OLFML2B: variants seen among roughly 807,000 people sequenced by gnomAD.
OLFML2B encodes olfactomedin like 2B.
A neutral mutation model predicts 74.9 loss-of-function variants in OLFML2B; 57 were observed. The observed-to-expected ratio is 0.76, with a 90% confidence interval of 0.61 to 0.95. OLFML2B has a LOEUF of 0.95. OLFML2B is among the 40% of genes least tolerant of loss of function. OLFML2B has a pLI of 0.00. For missense variants in OLFML2B, 986 were observed against 970.6 expected, an observed-to-expected ratio of 1.02 and a Z score of -0.21; for synonymous variants, 388 against 405.8, an observed-to-expected ratio of 0.96 and a Z score of 0.53.
intron 6 of OLFML2B, among the ~76,000 whole-genome samples, chr1:161,996,163 G>C (rs141826295): frequency 1.7e-3 from 257 of 152,286 alleles, no homozygotes; most frequent in African/African-American, 5.8e-3. Context: ...TTTCACTGCT[G>C]TCATTCTGCC....
chr1:161,997,581 A>G (rs1207111040), intron 6 of OLFML2B, among the ~76,000 whole-genome samples: 1 of 152,208 alleles, frequency 6.6e-6, no homozygotes, highest in Non-Finnish European at 1.5e-5. Flanking sequence ...CTGAAGCCAA[A>G]TCTTGACTCC....
At chr1:161,995,064 T>C (rs1689854285) in intron 6 of OLFML2B, among the ~76,000 whole-genome samples, 1 of 152,222 alleles carries the variant, frequency 6.6e-6, no homozygotes, top group Non-Finnish European at 1.5e-5. Context: ...ACGGTCTTTC[T>C]TGGCCAGACA....
At chr1:161,991,068 A>G (rs1455726701) in intron 6 of OLFML2B, among the ~76,000 whole-genome samples, 1 of 152,162 alleles carries the variant, frequency 6.6e-6, no homozygotes, top group Non-Finnish European at 1.5e-5. Context: ...ATCTGCAGTG[A>G]CTTCCTCCAC....
At chr1:161,990,405 G>A (rs370202576) in intron 6 of OLFML2B, among the ~76,000 whole-genome samples, 12 of 152,262 alleles carry the variant, frequency 7.9e-5, no homozygotes, top group Admixed American at 2.0e-4. Flanking sequence ...GTAATAAAGC[G>A]AATATCATAA....
chr1:161,993,380 CT>C (rs1689797682), intron 6 of OLFML2B, among the ~76,000 whole-genome samples: 2 of 152,190 alleles, frequency 1.3e-5, no homozygotes, highest in Admixed American at 1.3e-4. Flanking sequence ...CCCCCCAGTG[CT>C]CACCACCCTG....
rs763464465 is a variant in OLFML2B, at chr1:161,983,919, C to T, written c.2009G>A (p.Arg670Lys). The stretch of plus-strand genomic sequence containing the variant: ...GACGAAGCAGTTGCCGTAGAAATTC[C>T]TCCGGAGCCCCGTGCGCCATGTGGT... ...KETTWRTGLRRNFYGNCFVIC... is the reference protein window; with the variant it reads ...KETTWRTGLRKNFYGNCFVIC... Residue 670 changes from arginine (R) to lysine (K), a missense_variant, in exon 8 of 8, where the codon AGG becomes AAG. Arg to Lys is a conservative substitution (Grantham distance 26, BLOSUM62 2). Transcript: ENST00000294794. 3 of 1,614,112 alleles carry T rather than the reference C, an allele frequency of 1.9e-6. No individual in the cohort carries two copies. In the East Asian group the frequency reaches 6.7e-5, roughly 36 times the overall value.
chr1:162,015,497 G>A (rs1267528655), intron 3 of OLFML2B, among the ~76,000 whole-genome samples: 4 of 152,182 alleles, frequency 2.6e-5, no homozygotes, highest in Non-Finnish European at 5.9e-5. Flanking sequence ...TGGCTGCCAA[G>A]GTCAGGTAAA....
intron 3 of OLFML2B, among the ~76,000 whole-genome samples, chr1:162,011,262 G>A (rs1353753544): frequency 6.6e-6 from 1 of 152,206 alleles, no homozygotes; most frequent in Non-Finnish European, 1.5e-5. Flanking sequence ...ATAGCTGGAT[G>A]CGCACAGGGC....
intron 3 of OLFML2B, among the ~76,000 whole-genome samples, chr1:162,010,604 G>C (rs530658961): frequency 1.3e-5 from 2 of 152,294 alleles, no homozygotes; most frequent in Admixed American, 6.5e-5. Context: ...CCAGCTCTTA[G>C]ACACGTGTGC....
At chr1:162,007,307 T>C (rs1690262583) in intron 3 of OLFML2B, among the ~76,000 whole-genome samples, 1 of 152,142 alleles carries the variant, frequency 6.6e-6, no homozygotes, top group South Asian at 2.1e-4. Context: ...AAATACCAAA[T>C]GTGAGGTTTC....
intron 3 of OLFML2B, among the ~76,000 whole-genome samples, chr1:162,012,695 G>A (rs1190541865): frequency 6.6e-6 from 1 of 152,168 alleles, no homozygotes; most frequent in African/African-American, 2.4e-5. Context: ...TTGCAGGCAT[G>A]CATCTATTTT....
rs900089827 is a variant in OLFML2B, at chr1:161,983,293, C to A, written c.*382G>T. On this transcript the variant is annotated 3_prime_UTR_variant, in exon 8 of 8. Transcript: ENST00000294794. The stretch of plus-strand genomic sequence containing the variant: ...CTTTTTTTCTCGCCACATAGCACTT[C>A]TTTCTTGCCTCTTTCATTTCTGCTC... The A allele has an allele frequency of 1.2e-5, 2 of 162,568 alleles. No homozygotes were observed. The highest frequency in any genetic ancestry group is 2.7e-5 in the Non-Finnish European group (2 of 75,272). The allele number at this position is 162,568 out of a possible 1,614,324, so 10.1% of individuals were successfully genotyped here.
At chr1:161,986,492 G>A (rs951406378) in intron 6 of OLFML2B, among the ~76,000 whole-genome samples, 1 of 152,210 alleles carries the variant, frequency 6.6e-6, no homozygotes, top group Non-Finnish European at 1.5e-5. Context: ...AGTTGGCAGG[G>A]TTTAGGCAGC....
At chr1:161,986,920 C>T (rs577265329) in intron 6 of OLFML2B, among the ~76,000 whole-genome samples, 59 of 152,340 alleles carry the variant, frequency 3.9e-4, no homozygotes, top group African/African-American at 1.3e-3. Context: ...ATGGCCATGC[C>T]ACCTCTCTGA....
chr1:162,009,934 C>T (rs1308929849), intron 3 of OLFML2B, among the ~76,000 whole-genome samples: 1 of 152,248 alleles, frequency 6.6e-6, no homozygotes, highest in East Asian at 1.9e-4. Flanking sequence ...AATAGGTGAA[C>T]CCCATGACCT....
intron 3 of OLFML2B, among the ~76,000 whole-genome samples, chr1:162,008,647 A>G (rs1690296728): frequency 6.6e-6 from 1 of 152,242 alleles, no homozygotes; most frequent in Non-Finnish European, 1.5e-5. Context: ...TGCAGAGTTC[A>G]GCAGCATCAG....
intron 6 of OLFML2B, 42 bp from the exon 7 acceptor site, chr1:161,985,022 T>G: frequency 6.4e-7 from 1 of 1,569,960 alleles, no homozygotes; most frequent in Non-Finnish European, 8.6e-7. Context: ...GCTGATCTAG[T>G]GATGCCTCAC....
chr1:161,990,539 ATACTT>A (rs1447546697), intron 6 of OLFML2B, among the ~76,000 whole-genome samples: 3 of 151,542 alleles, frequency 2.0e-5, no homozygotes, highest in Admixed American at 6.6e-5. Flanking sequence ...TAATTTAAAA[ATACTT>A]TATTACTAAA....
intron 1 of OLFML2B, among the ~76,000 whole-genome samples, chr1:162,022,239 C>CTCT (rs1473943406): frequency 8.9e-6 from 1 of 112,488 alleles, no homozygotes; most frequent in African/African-American, 3.5e-5. Context: ...ACCCATGTAT[C>CTCT]TCTTCTTTTT....
Sources: allele counts gnomAD v4.1 joint callset (sites outside exome capture counted in the v4.1 genomes callset), GRCh38; gene constraint gnomAD v4.1.1; transcripts MANE v1.5; gene names NCBI Gene and HGNC (gene_info 2026-07-23, HGNC 2026-07-21).